The following NRN1L variants were observed in gnomAD, a reference collection of about 807,000 sequenced individuals.
The protein encoded by NRN1L is neuritin 1 like.
Under a neutral mutation model 8.8 loss-of-function variants are expected in NRN1L, and 12 were observed. The ratio of observed to expected loss-of-function variants is 1.36; its 90% CI spans 0.87 to 2.20. The LOEUF (loss-of-function observed/expected upper bound fraction) is 2.20, where lower values mean the gene tolerates loss of function less well. Among genes scored for constraint, NRN1L ranks in the 30% most tolerant of loss-of-function variants. The pLI is 0.00. For synonymous variants in NRN1L, 114 were observed against 99.2 expected (o/e 1.15, Z -0.88); for missense variants, 266 against 232.4 (o/e 1.14, Z -0.94).
intron 1 of NRN1L, 73 bp downstream of exon 1, chr16:67,885,055 G>C: frequency 1.4e-5 from 18 of 1,297,830 alleles, no homozygotes; most frequent in Non-Finnish European, 1.9e-5. Context: ...CATAGGGTGT[G>C]TGGGAACGCT....
chr16:67,888,172 G>A (rs372261929), downstream of NRN1L, among the ~76,000 whole-genome samples: 11 of 152,298 alleles, frequency 7.2e-5, no homozygotes, highest in African/African-American at 2.2e-4. Flanking sequence ...TATAAAGGGT[G>A]CACTTGTGGG....
chr16:67,885,364 A>G (rs1292694131), intron 1 of NRN1L: 3 of 470,404 alleles, frequency 6.4e-6, no homozygotes, highest in Non-Finnish European at 1.1e-5. Flanking sequence ...TCTAAACCGC[A>G]GAGAGATGCA....
chr16:67,885,713 C>CCCCAGA lies in NRN1L; in HGVS notation c.80-9_80-8insCCCAGA. 1 of 1,509,818 alleles carries CCCCAGA rather than the reference C, an allele frequency of 6.6e-7. No individual in the cohort carries two copies. Among genetic ancestry groups the CCCCAGA allele is most frequent in the Non-Finnish European group, 9.1e-7 (1 of 1,104,186 alleles). 93.5% of individuals were successfully genotyped at this position (1,509,818 alleles called of 1,614,324 possible). A position where few individuals can be genotyped will look rare whatever the true frequency, so the allele number is the denominator to read the frequency against. On this transcript the variant is annotated splice_polypyrimidine_tract_variant and intron_variant, in intron 1 of 2. Transcript: ENST00000339176. ...TTCCTTCCCCACCCCACCCCCGCCC[C>CCCCAGA]ACTTCTAGTCCTTTTACCTCCCCTG... is the stretch of plus-strand genomic sequence containing the variant.
intron 1 of NRN1L, 140 bp downstream of exon 1, chr16:67,885,122 A>C (rs2058089892): frequency 1.5e-6 from 1 of 687,288 alleles, no homozygotes; most frequent in East Asian, 2.7e-5. Flanking sequence ...TGGTGACTTC[A>C]GGACAGAAAG....
At chr16:67,885,093 G>A (rs1362427218) in intron 1 of NRN1L, 111 bp downstream of exon 1, 22 of 866,104 alleles carry the variant, frequency 2.5e-5, no homozygotes, top group Non-Finnish European at 3.3e-5. Flanking sequence ...AGAGTTGTAA[G>A]GGCTCCAGGA....
Position 67,884,975 on chromosome 16 carries a change from G to A in NRN1L, c.72G>A (p.Leu24=), listed in dbSNP as rs775946141. The change falls in exon 1 of 3, where the codon CTG becomes CTA. Residue 24 remains leucine (L), a synonymous_variant. Coordinates refer to ENST00000339176, the MANE Select transcript of NRN1L (RefSeq NM_198443.2). This position sits in a 1 kb window ranked among gnomAD's most constrained non-coding sequence, Gnocchi z 4.1. ...PPHALRPLLL[L]PLVLLPPLAA... Reference sequence around the variant, plus strand: ...ATGCCCTGAGGCCGTTGCTGTTGCTGCCCCTCGGTGAGTGCGGGCATCCGG... The same window carrying A: ...ATGCCCTGAGGCCGTTGCTGTTGCTACCCCTCGGTGAGTGCGGGCATCCGG... 1.2e-6 allele frequency: 2 copies of A among 1,607,774 alleles called. No homozygotes were observed. Among genetic ancestry groups the A allele is most frequent in the Admixed American group, 3.3e-5 (2 of 59,982 alleles).
At chr16:67,887,499 ACC>A, downstream of NRN1L, among the ~76,000 whole-genome samples, 1 of 150,532 alleles carries the variant, frequency 6.6e-6, no homozygotes, top group Admixed American at 6.6e-5. Context: ...CGAACTCCTA[ACC>A]TCAGGTGATC....
At position 67,884,911 on chromosome 16, in the gene NRN1L, G is replaced by A. The variant is rs772814850; in HGVS notation, c.8G>A (p.Arg3His). ...CTAGGCTCTCAGCCAGGGATGATGC[G>A]CTGCTGCCGCCGCCGCTGCTGCTGC... MM[R>H]CCRRRCCCRQ... is the part of the protein sequence containing the mutation. The change falls in exon 1 of 3, where the codon CGC becomes CAC. Residue 3 changes from arginine (R) to histidine (H), a missense_variant. Coordinates refer to ENST00000339176, the MANE Select transcript of NRN1L (RefSeq NM_198443.2). The surrounding 1 kb of genome is among the most constrained non-coding windows in gnomAD (Gnocchi z 4.1). 4.4e-6 allele frequency: 7 copies of A among 1,605,002 alleles called. No homozygotes were observed. The highest frequency in any genetic ancestry group is 5.9e-6 in the Non-Finnish European group (7 of 1,179,634).
At chr16:67,888,312 A>G (rs904305426), downstream of NRN1L, among the ~76,000 whole-genome samples, 1 of 152,082 alleles carries the variant, frequency 6.6e-6, no homozygotes, top group Non-Finnish European at 1.5e-5. Context: ...CTCTGGGCAT[A>G]CTGCTGGGAA....
In NRN1L at chr16:67,886,080, C is replaced by T. The variant is rs200752015; in HGVS notation, c.319C>T (p.Arg107Cys). The T allele has an allele frequency of 3.1e-4, 506 of 1,613,456 alleles. 3 individuals carry two copies. In the East Asian group the frequency reaches 9.4e-3, roughly 30 times the overall value. ...SLQQEARQAP[R>C]PNNLHTLCGA... ...ACAGCAAGAAGCTCGCCAGGCCCCC[C>T]GTCCGAATAACTTGCACACTCTGTG... The change falls in exon 3 of 3, where the codon CGT becomes TGT. Residue 107 changes from arginine (R) to cysteine (C), a missense_variant. Arg to Cys is a radical substitution (Grantham distance 180, BLOSUM62 -3). Transcript: ENST00000339176.
Position 67,884,910 on chromosome 16 carries a change from CGCTGCTGCCGCCGCCGCT to C in NRN1L, c.18_35del (p.Arg7_Arg12del), listed in dbSNP as rs748993039. 5.0e-6 allele frequency: 8 copies of C among 1,604,748 alleles called. No individual in the cohort carries two copies. The Admixed American group carries it at 6.7e-5, about 13-fold the overall frequency. On this transcript the variant is annotated inframe_deletion, in exon 1 of 3. Transcript: ENST00000339176. This position sits in a 1 kb window ranked among gnomAD's most constrained non-coding sequence, Gnocchi z 4.1. ...ACTAGGCTCTCAGCCAGGGATGATG[CGCTGCTGCCGCCGCCGCT>C]GCTGCTGCCGGCAACCACCCCATGC... is the stretch of plus-strand genomic sequence containing the variant.
Position 67,886,019 on chromosome 16 carries a change from C to T in NRN1L, c.258C>T (p.Gly86=). 1 of 1,614,202 alleles carries T rather than the reference C, an allele frequency of 6.2e-7. No individual in the cohort carries two copies. The highest frequency in any genetic ancestry group is 1.1e-5 in the South Asian group (1 of 91,086). The change falls in exon 3 of 3, where the codon GGC becomes GGT. Residue 86 remains glycine, a synonymous_variant. Transcript: ENST00000339176. ...FHACASQVLS[G]CPEEAAAVWE... ...CCTGTGCCTCTCAGGTCCTGTCAGG[C>T]TGTCCGGAGGAGGCAGCTGCAGTGT...
chr16:67,886,455 T>G (rs1173108608), downstream of NRN1L: 3 of 592,060 alleles, frequency 5.1e-6, no homozygotes, highest in African/African-American at 5.6e-5. Flanking sequence ...TTGGATGGAA[T>G]GGGCGGGGCT....
chr16:67,885,425 G>T, intron 1 of NRN1L: 1 of 485,886 alleles, frequency 2.1e-6, no homozygotes. Context: ...ACCCTGTCCT[G>T]ACTCCTTTAC....
rs368368599 is a variant in NRN1L, at chr16:67,885,752, C to T, written c.110C>T (p.Ala37Val). ...TTACCTCCCCTGGCAGCAGCTGCAG[C>T]GGGCCCAAACCGATGTGACACCATA... is the stretch of plus-strand genomic sequence containing the variant. The part of the protein sequence containing the change: ...VLLPPLAAAA[A>V]GPNRCDTIYQ... The change falls in exon 2 of 3, where the codon GCG becomes GTG. Residue 37 changes from alanine (A) to valine (V), a missense_variant. Transcript: ENST00000339176. The T allele has an allele frequency of 5.9e-5, 95 of 1,607,280 alleles. No homozygotes were observed. The highest frequency in any genetic ancestry group is 7.6e-5 in the Non-Finnish European group (90 of 1,176,880).
Position 67,886,050 on chromosome 16 carries a change from T to A in NRN1L, c.289T>A (p.Ser97Thr). 1 of 1,613,974 alleles carries A rather than the reference T, an allele frequency of 6.2e-7. No homozygotes were observed. Among genetic ancestry groups the A allele is most frequent in the South Asian group, 1.1e-5 (1 of 91,048 alleles). ...GGAGGAGGCAGCTGCAGTGTGGGAA[T>A]CACTACAGCAAGAAGCTCGCCAGGC... is the stretch of plus-strand genomic sequence containing the variant. ...CPEEAAAVWESLQQEARQAPR... is the reference protein window; with the variant it reads ...CPEEAAAVWETLQQEARQAPR... Residue 97 changes from serine (S) to threonine (T), a missense_variant, in exon 3 of 3, where the codon TCA (serine) becomes ACA (threonine). Ser to Thr is a moderately conservative substitution (Grantham distance 58, BLOSUM62 1). Transcript: ENST00000339176.
chr16:67,885,981 A>G lies in NRN1L; in HGVS notation c.220A>G (p.Asn74Asp). 2.5e-6 allele frequency: 4 copies of G among 1,614,134 alleles called. No homozygotes were observed. The highest frequency in any genetic ancestry group is 3.4e-6 in the Non-Finnish European group (4 of 1,180,002). The part of the protein sequence containing the change: ...GELETICRSW[N>D]DFHACASQVL... ...ATCCCACTCCCTTAACAGGTCTTGGAATGACTTCCATGCCTGTGCCTCTCA... is the reference window on the plus strand; with the variant it reads ...ATCCCACTCCCTTAACAGGTCTTGGGATGACTTCCATGCCTGTGCCTCTCA... The change falls in exon 3 of 3, where the codon AAT becomes GAT. Residue 74 changes from asparagine to aspartate, a missense_variant. Transcript: ENST00000339176.
At position 67,884,935 on chromosome 16, in the gene NRN1L, G is replaced by C. The variant is rs371555658; in HGVS notation, c.32G>C (p.Cys11Ser). 243 of 1,607,582 alleles carry C rather than the reference G, an allele frequency of 1.5e-4. No individual in the cohort carries two copies. In the East Asian group the frequency reaches 3.1e-3, roughly 21 times the overall value. ...CGCTGCTGCCGCCGCCGCTGCTGCT[G>C]CCGGCAACCACCCCATGCCCTGAGG... MMRCCRRRCC[C>S]RQPPHALRPL... The change falls in exon 1 of 3, where the codon TGC (cysteine) becomes TCC (serine). Residue 11 changes from cysteine to serine, a missense_variant. By Grantham distance (112) the Cys-to-Ser change is moderately radical. Transcript: ENST00000339176. This position sits in a 1 kb window ranked among gnomAD's most constrained non-coding sequence, Gnocchi z 4.1.
chr16:67,885,388 C>T (rs1040104379), intron 1 of NRN1L: 50 of 465,176 alleles, frequency 1.1e-4, no homozygotes, highest in Non-Finnish European at 1.5e-4. Context: ...GCTCCTGGTC[C>T]GGGGCCTCTG....
Sources: gnomAD v4.1 joint callset for allele counts (sites outside exome capture counted in the v4.1 genomes callset) on GRCh38, gnomAD v4.1.1 for gene constraint, Gnocchi (gnomAD v3.1) non-coding constraint, MANE v1.5 for transcripts, NCBI Gene and HGNC (gene_info 2026-07-23, HGNC 2026-07-21) for gene names.